LARGE1: variants seen among roughly 807,000 people sequenced by gnomAD.
The protein encoded by LARGE1 is LARGE xylosyl- and glucuronyltransferase 1, also known as xylosyl- and glucuronyltransferase LARGE1.
A neutral mutation model predicts 87.6 loss-of-function variants in LARGE1; 43 were observed. The ratio of observed to expected loss-of-function variants is 0.49; its 90% confidence interval spans 0.38 to 0.63. The LOEUF (loss-of-function observed/expected upper bound fraction) is 0.63. Ranked by LOEUF, LARGE1 falls within the 30% of genes least tolerant of loss-of-function variation. The pLI, the probability that LARGE1 is intolerant of heterozygous loss-of-function variation, is 0.00. For synonymous variants in LARGE1, 434 were observed against 394.6 expected, an observed-to-expected ratio of 1.10 and a Z score of -1.18; for missense variants, 802 against 1,000.2, an observed-to-expected ratio of 0.80 and a Z score of 2.67.
chr22:33,435,388 A>C (rs1457595201), intron 6 of LARGE1, among the ~76,000 whole-genome samples: 1 of 152,212 alleles, frequency 6.6e-6, no homozygotes, highest in Non-Finnish European at 1.5e-5. Flanking sequence ...TCATTTATAA[A>C]TAACCACTTC....
At chr22:33,667,085 A>T (rs976620177) in intron 2 of LARGE1, among the ~76,000 whole-genome samples, 1 of 152,192 alleles carries the variant, frequency 6.6e-6, no homozygotes, top group Admixed American at 6.5e-5. Flanking sequence ...CACCACAATA[A>T]GCCTCTATAA....
At chr22:33,903,595 G>C (rs1310457888) in intron 1 of LARGE1, among the ~76,000 whole-genome samples, 2 of 152,186 alleles carry the variant, frequency 1.3e-5, no homozygotes, top group African/African-American at 4.8e-5. Flanking sequence ...GGGAGGCCAA[G>C]GCAGGCGGAT....
At chr22:33,473,527 A>AT (rs890281011) in intron 6 of LARGE1, among the ~76,000 whole-genome samples, 9 of 151,768 alleles carry the variant, frequency 5.9e-5, no homozygotes, top group Non-Finnish European at 1.2e-4. Context: ...TAATTTTTGT[A>AT]TTTTTTTAGT....
At chr22:33,473,665 G>A (rs1180380406) in intron 6 of LARGE1, among the ~76,000 whole-genome samples, 1 of 152,146 alleles carries the variant, frequency 6.6e-6, no homozygotes, top group African/African-American at 2.4e-5. Flanking sequence ...GGCTGGTCTC[G>A]AACTCCTGAC....
intron 11 of LARGE1, among the ~76,000 whole-genome samples, chr22:33,222,419 G>GC (rs917228588): frequency 1.8e-4 from 27 of 152,110 alleles, no homozygotes; most frequent in Non-Finnish European, 3.2e-4. Context: ...GTTGAATGGT[G>GC]CCCCCCCACA....
chr22:33,276,992 C>T, intron 14 of LARGE1, 68 bp downstream of exon 14: 1 of 1,442,708 alleles, frequency 6.9e-7, no homozygotes, highest in East Asian at 2.3e-5. Flanking sequence ...CTCCAAGGAT[C>T]CCTTAAGCTC....
chr22:33,304,252 C>A lies in LARGE1; in HGVS notation c.1707G>T (p.Met569Ile), dbSNP rs943455045. ...ACCTGAGGTACTCATAGAGCCCATA[C>A]ATGGGCAGGAAGTCAATGTCAGACA... ...MFLSDIDFLP[M>I]YGLYEYLRKS... is the part of the protein sequence containing the mutation. Residue 569 changes from methionine to isoleucine, a missense_variant, in exon 12 of 15, where the codon ATG (methionine) becomes ATT (isoleucine). Physicochemically the swap from Met to Ile is conservative, Grantham distance 10. Coordinates refer to ENST00000397394, the MANE Select transcript of LARGE1 (RefSeq NM_133642.5). 6.2e-7 allele frequency: 1 copy of A among 1,614,242 alleles called. No individual in the cohort carries two copies. The highest frequency in any genetic ancestry group is 1.1e-5 in the South Asian group (1 of 91,088).
intron 6 of LARGE1, among the ~76,000 whole-genome samples, chr22:33,518,902 G>C (rs541088950): frequency 6.6e-6 from 1 of 151,962 alleles, no homozygotes; most frequent in Non-Finnish European, 1.5e-5. Flanking sequence ...CCAGGGACCC[G>C]CACATCCAGG....
At chr22:33,525,834 C>T (rs543386270) in intron 6 of LARGE1, among the ~76,000 whole-genome samples, 25 of 152,334 alleles carry the variant, frequency 1.6e-4, no homozygotes, top group Admixed American at 1.1e-3. Context: ...TTGTAAAATA[C>T]AGCCTTGCAA....
At position 33,650,362 on chromosome 22, in the gene LARGE1, T is replaced by C. The variant is rs770841204; in HGVS notation, c.408+5A>G. 2.5e-6 allele frequency: 4 copies of C among 1,614,030 alleles called. No individual in the cohort carries two copies. In the South Asian group the frequency reaches 4.4e-5, roughly 18 times the overall value. On this transcript the variant is annotated splice_donor_5th_base_variant and intron_variant, in intron 3 of 14. Transcript: ENST00000397394. Reference sequence around the variant, plus strand: ...CTTCCTCCCCAGGCTCCAGATGCCCTTTACCTCGCATTTCTCCACGACCGG... The same window carrying C: ...CTTCCTCCCCAGGCTCCAGATGCCCCTTACCTCGCATTTCTCCACGACCGG...
the LARGE1 span, among the ~76,000 whole-genome samples, chr22:33,147,499 T>C: frequency 1.3e-5 from 2 of 152,342 alleles, no homozygotes; most frequent in South Asian, 2.1e-4. Flanking sequence ...TAAGCAATAA[T>C]GTTAAAATGT....
At chr22:33,655,958 A>G (rs1335075741) in intron 2 of LARGE1, among the ~76,000 whole-genome samples, 1 of 152,152 alleles carries the variant, frequency 6.6e-6, no homozygotes, top group Non-Finnish European at 1.5e-5. Context: ...AGCTTAAATT[A>G]TGGTTCTTCC....
intron 6 of LARGE1, among the ~76,000 whole-genome samples, chr22:33,487,105 C>T (rs1297009765): frequency 6.6e-6 from 1 of 152,132 alleles, no homozygotes; most frequent in Non-Finnish European, 1.5e-5. Flanking sequence ...AAGCTTCCCG[C>T]CCCAACAAAC....
chr22:33,278,321 T>A (rs181654711), intron 13 of LARGE1, among the ~76,000 whole-genome samples: 59 of 152,198 alleles, frequency 3.9e-4, no homozygotes, highest in African/African-American at 1.3e-3. Flanking sequence ...GCAGGTCTGC[T>A]GACTCCTTGA....
rs575993273 is a variant in LARGE1, at chr22:33,463,172, T to A, written c.788-30907A>T. 5.3e-4 allele frequency among the ~76,000 whole-genome samples: 80 copies of A among 152,116 alleles called. 1 individual carries two copies. Among genetic ancestry groups the A allele is most frequent in the African/African-American group, 1.8e-3 (75 of 41,516 alleles). ...TGCCATCTTGGTGGCCGCAATCTAG[T>A]AAATAGACCCTTACTTTTTAGGTGA... On this transcript the variant is annotated intron_variant, in intron 6 of 14. Transcript: ENST00000397394.
intron 11 of LARGE1, among the ~76,000 whole-genome samples, chr22:33,221,169 A>AAGAGAG (rs112355451): frequency 0.28 from 41,502 of 148,876 alleles, 6,151 homozygotes; most frequent in African/African-American, 0.42. Flanking sequence ...CGTTGTTAAA[A>AAGAGAG]AGAGAGAGAG....
At chr22:33,826,404 G>C (rs548753412) in intron 1 of LARGE1, among the ~76,000 whole-genome samples, 2 of 149,108 alleles carry the variant, frequency 1.3e-5, no homozygotes, top group African/African-American at 5.0e-5. Context: ...GCACAATGGC[G>C]CAATCTCGGC....
chr22:33,262,560 T>C (rs1272371387), intron 11 of LARGE1, among the ~76,000 whole-genome samples: 1 of 152,128 alleles, frequency 6.6e-6, no homozygotes, highest in Non-Finnish European at 1.5e-5. Flanking sequence ...AGATCTTCAG[T>C]GCCCCCACCT....
At chr22:33,225,751 CCTCT>C (rs1273474805) in intron 11 of LARGE1, among the ~76,000 whole-genome samples, 1 of 152,020 alleles carries the variant, frequency 6.6e-6, no homozygotes, top group African/African-American at 2.4e-5. Flanking sequence ...CTGTTGTTCC[CCTCT>C]ATGTGTCTAT....
Sources: allele counts gnomAD v4.1 joint callset (sites outside exome capture counted in the v4.1 genomes callset), GRCh38; gene constraint gnomAD v4.1.1; transcripts MANE v1.5; gene names NCBI Gene and HGNC (gene_info 2026-07-23, HGNC 2026-07-21).